Variants in GOLPH3L observed in about 807,000 individuals in gnomAD.
The protein encoded by GOLPH3L is golgi phosphoprotein 3 like.
GOLPH3L carries 22 observed loss-of-function variants against 30.3 expected under a neutral mutation model. The observed-to-expected ratio is 0.73, with a 90% CI of 0.52 to 1.04. The LOEUF (loss-of-function observed/expected upper bound fraction) is 1.04, where lower values mean the gene tolerates loss of function less well. Among genes scored for constraint, GOLPH3L ranks in the 50% least tolerant of loss-of-function variants. GOLPH3L has a pLI of 0.00. For missense variants in GOLPH3L, 303 were observed against 345.8 expected, an observed-to-expected ratio of 0.88 and a Z score of 0.98; for synonymous variants, 120 against 128.2, an observed-to-expected ratio of 0.94 and a Z score of 0.43.
chr1:150,664,610 C>T (rs1023994830), intron 2 of GOLPH3L, among the ~76,000 whole-genome samples: 1 of 152,038 alleles, frequency 6.6e-6, no homozygotes, highest in Non-Finnish European at 1.5e-5. Flanking sequence ...TGCACTGCCA[C>T]ACCCAGCTAA....
chr1:150,655,892 G>A (rs587738832), intron 4 of GOLPH3L, among the ~76,000 whole-genome samples: 1 of 152,336 alleles, frequency 6.6e-6, no homozygotes, highest in South Asian at 2.1e-4. Context: ...GCCTTTAATA[G>A]TTATAGATTT....
At chr1:150,659,877 C>T (rs1650330059) in intron 4 of GOLPH3L, among the ~76,000 whole-genome samples, 1 of 151,868 alleles carries the variant, frequency 6.6e-6, no homozygotes, top group African/African-American at 2.4e-5. Context: ...CCACCAAAAA[C>T]ACAAAAAATT....
chr1:150,680,525 T>C (rs1167017943), intron 2 of GOLPH3L, among the ~76,000 whole-genome samples: 1 of 152,212 alleles, frequency 6.6e-6, no homozygotes, highest in African/African-American at 2.4e-5. Flanking sequence ...TTAGGCTCTC[T>C]TCTAGGAAAC....
intron 2 of GOLPH3L, among the ~76,000 whole-genome samples, chr1:150,692,086 A>G (rs990601388): frequency 1.2e-4 from 19 of 152,110 alleles, no homozygotes; most frequent in African/African-American, 4.6e-4. Context: ...GCATAATCCT[A>G]AGCACATAAT....
chr1:150,663,817 C>A, intron 2 of GOLPH3L, 54 bp from the exon 3 acceptor site: 1 of 1,514,712 alleles, frequency 6.6e-7, no homozygotes, highest in African/African-American at 1.4e-5. Context: ...ATACTGACTT[C>A]CAGCAGGCAC....
At chr1:150,695,149 T>C (rs587767934) in intron 1 of GOLPH3L, among the ~76,000 whole-genome samples, 1 of 152,306 alleles carries the variant, frequency 6.6e-6, no homozygotes, top group South Asian at 2.1e-4. Context: ...TCTTCTTCTT[T>C]TCTTGAGAGG....
chr1:150,677,392 G>A (rs1427968740), intron 2 of GOLPH3L, among the ~76,000 whole-genome samples: 1 of 151,668 alleles, frequency 6.6e-6, no homozygotes, highest in Non-Finnish European at 1.5e-5. Context: ...GTATGTCACC[G>A]TGCCTGGCTA....
chr1:150,655,364 T>C (rs1044762833), intron 4 of GOLPH3L, among the ~76,000 whole-genome samples: 5 of 152,168 alleles, frequency 3.3e-5, no homozygotes, highest in African/African-American at 1.2e-4. Context: ...TTATAACTTA[T>C]GTACCTATAA....
Position 150,646,826 on chromosome 1 carries a change from A to G in GOLPH3L, c.*1495T>C, listed in dbSNP as rs1440765351. On this transcript the variant is annotated 3_prime_UTR_variant, in exon 5 of 5. Transcript: ENST00000271732. Reference sequence around the variant, plus strand: ...TAAAGTATAATAAATGCTGAACATCAGCACAGCTCAGTGCACATCCTCTTT... The same window carrying G: ...TAAAGTATAATAAATGCTGAACATCGGCACAGCTCAGTGCACATCCTCTTT... 3 of 152,248 alleles carry G rather than the reference A, an allele frequency of 2.0e-5. No homozygotes were observed. The highest frequency in any genetic ancestry group is 4.4e-5 in the Non-Finnish European group (3 of 68,040). The allele number at this position is 152,248 out of a possible 1,614,324, so 9.4% of individuals were successfully genotyped here. A position where few individuals can be genotyped will look rare whatever the true frequency, so the allele number is the denominator to read the frequency against.
At chr1:150,652,380 C>CAAAAAA (rs34446972) in intron 4 of GOLPH3L, among the ~76,000 whole-genome samples, 1 of 40,190 alleles carries the variant, frequency 2.5e-5, no homozygotes, top group Non-Finnish European at 3.8e-5. Flanking sequence ...GACTCTGTCT[C>CAAAAAA]AAAAAAAAAA....
chr1:150,664,688 G>A (rs1347767830), intron 2 of GOLPH3L, among the ~76,000 whole-genome samples: 2 of 151,972 alleles, frequency 1.3e-5, no homozygotes, highest in Non-Finnish European at 2.9e-5. Context: ...TCCTGACCTC[G>A]TCATCCACCA....
chr1:150,683,724 AAAAAAAAAAG>A (rs1297546320), intron 2 of GOLPH3L, among the ~76,000 whole-genome samples: 20,131 of 115,396 alleles, frequency 0.17, 2,795 homozygotes, highest in South Asian at 0.28. Context: ...AAAAAAAAAA[AAAAAAAAAAG>A]AGAGATACTC....
At chr1:150,693,493 G>C (rs1163274013) in intron 2 of GOLPH3L, among the ~76,000 whole-genome samples, 1 of 151,874 alleles carries the variant, frequency 6.6e-6, no homozygotes, top group Non-Finnish European at 1.5e-5. Flanking sequence ...GCGAGGGGGG[G>C]CGGTTATTTA....
At chr1:150,655,621 G>A (rs1650220998) in intron 4 of GOLPH3L, among the ~76,000 whole-genome samples, 1 of 152,154 alleles carries the variant, frequency 6.6e-6, no homozygotes, top group Admixed American at 6.5e-5. Flanking sequence ...CTTTAAAATG[G>A]TTAACAGATA....
At chr1:150,658,140 C>G (rs1029787002) in intron 4 of GOLPH3L, among the ~76,000 whole-genome samples, 2 of 152,298 alleles carry the variant, frequency 1.3e-5, no homozygotes, top group South Asian at 4.2e-4. Context: ...ATCCCGAGGA[C>G]CCCCCGGTTG....
At chr1:150,685,780 T>C (rs1651071835) in intron 2 of GOLPH3L, among the ~76,000 whole-genome samples, 1 of 151,952 alleles carries the variant, frequency 6.6e-6, no homozygotes, top group Admixed American at 6.6e-5. Context: ...GTGAAATTAT[T>C]TGGGTCACAC....
Position 150,649,434 on chromosome 1 carries a change from T to C in GOLPH3L, c.431-686A>G, listed in dbSNP as rs183597650. Among the ~76,000 whole-genome samples, 4 of 152,276 alleles carry C rather than the reference T, an allele frequency of 2.6e-5. No homozygotes were observed. In the East Asian group the frequency reaches 7.7e-4, roughly 29 times the overall value. Reference sequence around the variant, plus strand: ...TTATTTGGAACACAGTGTGGAGAATTCTATGCCTAAGGGTGTTGAAAACCA... The same window carrying C: ...TTATTTGGAACACAGTGTGGAGAATCCTATGCCTAAGGGTGTTGAAAACCA... On this transcript the variant is annotated intron_variant, in intron 4 of 4. Coordinates refer to ENST00000271732, the MANE Select transcript of GOLPH3L (RefSeq NM_018178.6).
In GOLPH3L at chr1:150,666,433, C is replaced by CT. The variant is rs1650507820; in HGVS notation, c.184-2671dup. Among the ~76,000 whole-genome samples the CT allele has an allele frequency of 4.6e-5, 7 of 152,152 alleles. No individual in the cohort carries two copies. In the South Asian group the frequency reaches 1.5e-3, roughly 32 times the overall value. On this transcript the variant is annotated intron_variant, in intron 2 of 4. Coordinates refer to ENST00000271732, the MANE Select transcript of GOLPH3L (RefSeq NM_018178.6). ...AATCTCGGCTCACTGCAACCTCCGT[C>CT]TCCCAGGTTCAAGCAATTCTCCTGC...
chr1:150,665,692 TATC>T (rs921118878), intron 2 of GOLPH3L, among the ~76,000 whole-genome samples: 6 of 152,108 alleles, frequency 3.9e-5, no homozygotes, highest in East Asian at 1.9e-4. Flanking sequence ...ATAAATTAGA[TATC>T]ATCATCATCA....
Sources: gnomAD v4.1 joint callset for allele counts (sites outside exome capture counted in the v4.1 genomes callset) on GRCh38, gnomAD v4.1.1 for gene constraint, MANE v1.5 for transcripts, NCBI Gene and HGNC (gene_info 2026-07-23, HGNC 2026-07-21) for gene names.